Variants in CRPPA observed in about 807,000 individuals in gnomAD.
CRPPA encodes the protein CDP-L-ribitol pyrophosphorylase A.
CRPPA carries 43 observed loss-of-function variants against 52.0 expected under a neutral mutation model. The ratio of observed to expected loss-of-function variants is 0.83; its 90% CI spans 0.65 to 1.07. CRPPA has a LOEUF of 1.07. Among genes scored for constraint, CRPPA ranks in the 50% least tolerant of loss-of-function variants. The pLI is 0.00. For synonymous variants in CRPPA, 250 were observed against 203.5 expected, an observed-to-expected ratio of 1.23 and a Z score of -1.94; for missense variants, 629 against 551.7, an observed-to-expected ratio of 1.14 and a Z score of -1.40.
chr7:16,171,110 G>T (rs2128385285), intron 9 of CRPPA, among the ~76,000 whole-genome samples: 1 of 152,360 alleles, frequency 6.6e-6, no homozygotes, highest in East Asian at 1.9e-4. Context: ...AGGGCTGCCA[G>T]CACGTTGTTA....
At chr7:16,291,016 A>G (rs1784553341) in intron 5 of CRPPA, among the ~76,000 whole-genome samples, 2 of 152,178 alleles carry the variant, frequency 1.3e-5, no homozygotes, top group South Asian at 4.1e-4. Context: ...GCCAACAGGT[A>G]TATTAAAACA....
At chr7:16,200,704 G>A (rs1583424701) in intron 9 of CRPPA, among the ~76,000 whole-genome samples, 1 of 152,288 alleles carries the variant, frequency 6.6e-6, no homozygotes, top group Non-Finnish European at 1.5e-5. Flanking sequence ...TTTATAAAGT[G>A]TAAACATTGT....
intron 6 of CRPPA, among the ~76,000 whole-genome samples, chr7:16,273,683 G>T (rs1019803115): frequency 1.3e-5 from 2 of 152,100 alleles, no homozygotes; most frequent in South Asian, 4.2e-4. Flanking sequence ...CAAGAGGGCT[G>T]GTGCAAAAGG....
At chr7:16,380,863 T>C (rs1009200765) in intron 2 of CRPPA, among the ~76,000 whole-genome samples, 31 of 152,278 alleles carry the variant, frequency 2.0e-4, no homozygotes, top group African/African-American at 7.2e-4. Flanking sequence ...TCATTGTGTC[T>C]ATTTGATTCT....
chr7:16,103,570 G>T (rs192240934), intron 9 of CRPPA, among the ~76,000 whole-genome samples: 401 of 152,210 alleles, frequency 2.6e-3, no homozygotes, highest in Non-Finnish European at 4.4e-3. Flanking sequence ...TCAAAAACTA[G>T]GAATTTGTAC....
At chr7:16,186,151 T>TA (rs765146825) in intron 9 of CRPPA, among the ~76,000 whole-genome samples, 1 of 152,212 alleles carries the variant, frequency 6.6e-6, no homozygotes, top group Non-Finnish European at 1.5e-5. Flanking sequence ...TGTTAGCAGT[T>TA]ACTTTCTTTG....
intron 6 of CRPPA, among the ~76,000 whole-genome samples, chr7:16,272,955 G>A (rs181047280): frequency 0.014 from 2,028 of 147,094 alleles, 56 homozygotes; most frequent in African/African-American, 0.05. Context: ...ATCCTTTGTC[G>A]CTTTTTTTTT....
chr7:16,286,056 T>TA (rs1784431452), intron 5 of CRPPA, among the ~76,000 whole-genome samples: 4 of 21,636 alleles, frequency 1.8e-4, no homozygotes, highest in African/African-American at 9.7e-4. Flanking sequence ...TATATATATA[T>TA]ATATATATAT....
chr7:16,398,592 C>T (rs1244892142), intron 2 of CRPPA, among the ~76,000 whole-genome samples: 7 of 152,090 alleles, frequency 4.6e-5, no homozygotes, highest in African/African-American at 1.2e-4. Context: ...ACGTGACTGA[C>T]GTTGCTACAG....
At chr7:16,174,332 G>A (rs1781250720) in intron 9 of CRPPA, among the ~76,000 whole-genome samples, 1 of 152,120 alleles carries the variant, frequency 6.6e-6, no homozygotes, top group Non-Finnish European at 1.5e-5. Flanking sequence ...TTCGGTAAGA[G>A]GTAGATAGTA....
intron 3 of CRPPA, among the ~76,000 whole-genome samples, chr7:16,337,347 A>T (rs117957993): frequency 9.5e-4 from 145 of 152,258 alleles, no homozygotes; most frequent in Non-Finnish European, 1.8e-3. Context: ...AAATTAAGAA[A>T]CATGTTCTGA....
At chr7:16,349,917 A>G (rs775696650) in intron 3 of CRPPA, among the ~76,000 whole-genome samples, 6 of 152,112 alleles carry the variant, frequency 3.9e-5, no homozygotes, top group Non-Finnish European at 8.8e-5. Context: ...AAGAGACACT[A>G]AATAAGATGA....
In CRPPA at chr7:16,091,063, T is replaced by C. The variant is rs909436941; in HGVS notation, c.*632A>G. On this transcript the variant is annotated 3_prime_UTR_variant, in exon 10 of 10. Coordinates refer to ENST00000407010, the MANE Select transcript of CRPPA (RefSeq NM_001101426.4). ...TAATGTAAGTCATAATTATAGTTCA[T>C]AAACCAAAAATAACATACAATTTAA... The C allele has an allele frequency of 6.6e-6, 1 of 152,200 alleles. No homozygotes were observed. Among genetic ancestry groups the C allele is most frequent in the African/African-American group, 2.4e-5 (1 of 41,460 alleles). The allele number at this position is 152,200 out of a possible 1,614,324, so 9.4% of individuals were successfully genotyped here.
intron 2 of CRPPA, among the ~76,000 whole-genome samples, chr7:16,404,368 C>A (rs1787898939): frequency 6.6e-6 from 1 of 151,986 alleles, no homozygotes; most frequent in Non-Finnish European, 1.5e-5. Context: ...CTCAAATCTG[C>A]AAAAAGTAAC....
intron 2 of CRPPA, among the ~76,000 whole-genome samples, chr7:16,398,356 G>C (rs1024561619): frequency 6.7e-6 from 1 of 148,210 alleles, no homozygotes. Flanking sequence ...TGTGACATGT[G>C]ACAGAGGCAA....
At chr7:16,112,322 G>GAA (rs542411943) in intron 9 of CRPPA, among the ~76,000 whole-genome samples, 4 of 140,708 alleles carry the variant, frequency 2.8e-5, no homozygotes, top group Non-Finnish European at 6.2e-5. Context: ...CTCTCAAAAG[G>GAA]AAAAAAAAAA....
intron 9 of CRPPA, among the ~76,000 whole-genome samples, chr7:16,118,288 G>A (rs895591122): frequency 2.0e-5 from 3 of 152,160 alleles, no homozygotes; most frequent in African/African-American, 4.8e-5. Context: ...GCCGACTTGT[G>A]TAGCCTTTTC....
At chr7:16,382,368 G>C (rs1056446205) in intron 2 of CRPPA, among the ~76,000 whole-genome samples, 4 of 152,208 alleles carry the variant, frequency 2.6e-5, no homozygotes, top group African/African-American at 9.7e-5. Flanking sequence ...TCCACTGTTA[G>C]TCTGATGGGC....
At chr7:16,302,847 A>G (rs1344061028) in intron 4 of CRPPA, among the ~76,000 whole-genome samples, 1 of 152,166 alleles carries the variant, frequency 6.6e-6, no homozygotes, top group East Asian at 1.9e-4. Flanking sequence ...TTTTTAAGTA[A>G]TTTTTCATTA....
Sources: allele counts gnomAD v4.1 joint callset (sites outside exome capture counted in the v4.1 genomes callset), GRCh38; gene constraint gnomAD v4.1.1; transcripts MANE v1.5; gene names NCBI Gene and HGNC (gene_info 2026-07-23, HGNC 2026-07-21).